The following QTGAL variants were observed in gnomAD, a reference collection of about 807,000 sequenced individuals.
The protein encoded by QTGAL is BGnT-like protein 1.
the QTGAL span, among the ~76,000 whole-genome samples, chr17:83,002,204 C>G: frequency 0.29 from 43,386 of 151,916 alleles, 6,315 homozygotes; most frequent in African/African-American, 0.33. Flanking sequence ...CTATGGGCAT[C>G]AAAGCTAACA....
the QTGAL span, among the ~76,000 whole-genome samples, chr17:82,958,175 C>T: frequency 2.6e-5 from 4 of 152,214 alleles, no homozygotes; most frequent in Admixed American, 1.3e-4. Flanking sequence ...GGGCTGAGCC[C>T]GTCTCAAAGC....
At chr17:83,048,905 C>G in the QTGAL span, 1 of 765,186 alleles carries the variant, frequency 1.3e-6, no homozygotes, top group Admixed American at 2.1e-5. Flanking sequence ...GGTGTCCACT[C>G]CTTTTCTCCA....
At chr17:83,023,947 A>C in the QTGAL span, among the ~76,000 whole-genome samples, 1 of 152,224 alleles carries the variant, frequency 6.6e-6, no homozygotes, top group Non-Finnish European at 1.5e-5. Context: ...GCAATTTAAA[A>C]GTGCTTCCTC....
At chr17:82,998,490 C>T in the QTGAL span, among the ~76,000 whole-genome samples, 3 of 152,236 alleles carry the variant, frequency 2.0e-5, no homozygotes, top group East Asian at 1.9e-4. Context: ...GGACTACAGG[C>T]GCCCACCACC....
At chr17:82,998,093 A>G in the QTGAL span, among the ~76,000 whole-genome samples, 1 of 151,820 alleles carries the variant, frequency 6.6e-6, no homozygotes, top group Non-Finnish European at 1.5e-5. Context: ...CTCTACACTT[A>G]AAAATAACTA....
At chr17:82,998,125 T>G in the QTGAL span, among the ~76,000 whole-genome samples, 1 of 151,934 alleles carries the variant, frequency 6.6e-6, no homozygotes, top group African/African-American at 2.4e-5. Flanking sequence ...TTGTATTGTT[T>G]GTAACACAAA....
the QTGAL span, among the ~76,000 whole-genome samples, chr17:82,992,738 A>G: frequency 4.6e-5 from 7 of 152,192 alleles, no homozygotes; most frequent in Admixed American, 3.3e-4. Context: ...ACCAATCAAA[A>G]AGAATAACTA....
the QTGAL span, among the ~76,000 whole-genome samples, chr17:82,986,422 A>G: frequency 6.6e-6 from 1 of 152,218 alleles, no homozygotes; most frequent in East Asian, 1.9e-4. Context: ...GAAGTAAGGA[A>G]ATCGCTTTAA....
chr17:83,019,164 G>A, the QTGAL span, among the ~76,000 whole-genome samples: 5 of 152,234 alleles, frequency 3.3e-5, no homozygotes, highest in East Asian at 3.9e-4. Flanking sequence ...GTGCTGGCCC[G>A]GGGATTGATC....
the QTGAL span, among the ~76,000 whole-genome samples, chr17:83,032,739 G>A: frequency 2.0e-5 from 3 of 152,316 alleles, no homozygotes; most frequent in African/African-American, 4.8e-5. Flanking sequence ...GTAAGAAAAC[G>A]GGAGAAATCT....
chr17:83,051,661 AGAGGACTGGAGGGCGGGGTGAGGGGACGC>A, the QTGAL span: 1 of 1,311,570 alleles, frequency 7.6e-7, no homozygotes, highest in Non-Finnish European at 1.0e-6. Context: ...CCGGAGCGAG[AGAGGACTGGAGGGCGGGGTGAGGGGACGC>A]GAGGACCCAG....
the QTGAL span, among the ~76,000 whole-genome samples, chr17:82,973,953 C>A: frequency 1.3e-5 from 2 of 152,114 alleles, no homozygotes; most frequent in African/African-American, 2.4e-5. Context: ...GTGTTCCCAC[C>A]CCGCCTGCCA....
chr17:82,988,642 GAACTT>G, the QTGAL span, among the ~76,000 whole-genome samples: 2 of 152,098 alleles, frequency 1.3e-5, no homozygotes, highest in Non-Finnish European at 2.9e-5. Flanking sequence ...AATCTACAAG[GAACTT>G]AACTTTACAA....
At chr17:83,038,992 A>G in the QTGAL span, among the ~76,000 whole-genome samples, 1 of 151,666 alleles carries the variant, frequency 6.6e-6, no homozygotes, top group South Asian at 2.1e-4. Context: ...TTTCAAACCA[A>G]CGAAAGATAA....
At chr17:83,014,593 T>C in the QTGAL span, 1 of 1,539,472 alleles carries the variant, frequency 6.5e-7, no homozygotes, top group Non-Finnish European at 8.9e-7. Flanking sequence ...TCCCGCTTTA[T>C]TGCCCAGGCT....
chr17:82,975,791 A>G, the QTGAL span, among the ~76,000 whole-genome samples: 1 of 110,130 alleles, frequency 9.1e-6, no homozygotes, highest in African/African-American at 5.0e-5. Context: ...CCCGGGACAG[A>G]GCCGGACTCC....
chr17:83,033,629 G>A, the QTGAL span, among the ~76,000 whole-genome samples: 12 of 151,598 alleles, frequency 7.9e-5, no homozygotes, highest in Admixed American at 2.0e-4. Context: ...CCACCACCAC[G>A]CCCAGCTAAT....
the QTGAL span, among the ~76,000 whole-genome samples, chr17:83,032,914 A>C: frequency 2.0e-5 from 3 of 152,152 alleles, no homozygotes; most frequent in Non-Finnish European, 4.4e-5. Context: ...AAACTTCCAC[A>C]TGTACCAGGA....
At chr17:83,005,896 G>A in the QTGAL span, 1 of 1,365,904 alleles carries the variant, frequency 7.3e-7, no homozygotes, top group Non-Finnish European at 9.4e-7. The surrounding 1 kb of genome is among the most constrained non-coding windows in gnomAD (Gnocchi z 5.6). Context: ...CTGCCCCGGA[G>A]TGGGCTCCCA....
Sources: allele counts gnomAD v4.1 joint callset (sites outside exome capture counted in the v4.1 genomes callset), GRCh38; gene constraint gnomAD v4.1.1; non-coding constraint Gnocchi (gnomAD v3.1); transcripts MANE v1.5; gene names NCBI Gene and HGNC (gene_info 2026-07-23, HGNC 2026-07-21).